PIWIL4: variants seen among roughly 807,000 people sequenced by gnomAD.
PIWIL4 encodes piwi like RNA-mediated gene silencing 4.
Under a neutral mutation model 100.9 loss-of-function variants are expected in PIWIL4, and 50 were observed. That is an observed-to-expected ratio of 0.50 (90% CI 0.39 to 0.63). The LOEUF (loss-of-function observed/expected upper bound fraction) is 0.63. PIWIL4 is among the 20% of genes least tolerant of loss of function. The pLI is 0.00. For synonymous variants in PIWIL4, 342 were observed against 367.5 expected (o/e 0.93, Z 0.79); for missense variants, 887 against 1,043.3 (o/e 0.85, Z 2.06).
chr11:94,568,855 G>GT, intron 2 of PIWIL4, 47 bp downstream of exon 2: 3 of 1,509,088 alleles, frequency 2.0e-6, no homozygotes, highest in Non-Finnish European at 2.8e-6. Flanking sequence ...AACCTGAATG[G>GT]AGCAAGAGGA....
At chr11:94,584,596 T>C (rs1252035757) in intron 5 of PIWIL4, among the ~76,000 whole-genome samples, 1 of 152,164 alleles carries the variant, frequency 6.6e-6, no homozygotes, top group Non-Finnish European at 1.5e-5. Flanking sequence ...ATCCTTATTT[T>C]TAAGAGAAAG....
chr11:94,602,402 A>G (rs1303354488), intron 12 of PIWIL4, among the ~76,000 whole-genome samples: 2 of 152,228 alleles, frequency 1.3e-5, no homozygotes, highest in Non-Finnish European at 2.9e-5. Flanking sequence ...AAAATTTAAT[A>G]TGAAAATAGA....
At chr11:94,592,322 G>A (rs770294452) in intron 8 of PIWIL4, among the ~76,000 whole-genome samples, 141 of 152,270 alleles carry the variant, frequency 9.3e-4, no homozygotes, top group Middle Eastern at 3.4e-3. Context: ...GTGCTTTATC[G>A]TGCTTTGTTA....
At chr11:94,606,553 G>C (rs1346009247) in intron 13 of PIWIL4, among the ~76,000 whole-genome samples, 2 of 152,240 alleles carry the variant, frequency 1.3e-5, no homozygotes, top group African/African-American at 4.8e-5. Context: ...GAGTAGGCCA[G>C]GGGCGGTGGC....
chr11:94,616,382 G>A (rs1948846579), intron 15 of PIWIL4, 111 bp from the exon 16 acceptor site: 3 of 922,066 alleles, frequency 3.3e-6, no homozygotes, highest in Non-Finnish European at 4.9e-6. Flanking sequence ...ATACAAAATT[G>A]CGAACATTGA....
At chr11:94,574,283 T>C (rs1353625788) in intron 2 of PIWIL4, among the ~76,000 whole-genome samples, 2 of 152,228 alleles carry the variant, frequency 1.3e-5, no homozygotes, top group Non-Finnish European at 2.9e-5. Context: ...GGGCAATTTC[T>C]CTTCTTTTCT....
Position 94,595,418 on chromosome 11 carries a change from C to T in PIWIL4, c.1260C>T (p.Asn420=). ...RQQRLARLVD[N]IQRNTNARFE... ...AGCGCCTGGCCAGGCTTGTGGACAA[C>T]ATCCAGAGGTACTGGATCACCGCAT... Residue 420 remains asparagine, a synonymous_variant, in exon 10 of 20, where the codon AAC becomes AAT. Coordinates refer to ENST00000299001, the MANE Select transcript of PIWIL4 (RefSeq NM_152431.3). The T allele has an allele frequency of 6.2e-7, 1 of 1,612,578 alleles. No individual in the cohort carries two copies. The highest frequency in any genetic ancestry group is 8.5e-7 in the Non-Finnish European group (1 of 1,179,064).
intron 3 of PIWIL4, among the ~76,000 whole-genome samples, chr11:94,575,932 C>G (rs1251540473): frequency 6.6e-6 from 1 of 152,094 alleles, no homozygotes; most frequent in Non-Finnish European, 1.5e-5. Context: ...TTTGCCATTT[C>G]CTCAGGATCT....
chr11:94,600,891 G>T (rs1948628157), intron 11 of PIWIL4, among the ~76,000 whole-genome samples: 1 of 151,894 alleles, frequency 6.6e-6, no homozygotes, highest in Non-Finnish European at 1.5e-5. Context: ...GAGAAATATG[G>T]CTCTGTTCCG....
Position 94,585,529 on chromosome 11 carries a change from G to T in PIWIL4, c.716+4G>T, listed in dbSNP as rs372828080. 4 of 1,591,582 alleles carry T rather than the reference G, an allele frequency of 2.5e-6. No homozygotes were observed. In the African/African-American group the frequency reaches 4.1e-5, roughly 16 times the overall value. On this transcript the variant is annotated splice_donor_region_variant and intron_variant, in intron 6 of 19. Transcript: ENST00000299001. ...CAATGGAAATTCCCCAGCACAAGTA[G>T]GTTTATTTATATTTTCTGTTACTCC...
At chr11:94,594,596 G>C (rs1021917515) in intron 9 of PIWIL4, among the ~76,000 whole-genome samples, 5 of 151,654 alleles carry the variant, frequency 3.3e-5, no homozygotes, top group African/African-American at 1.2e-4. Flanking sequence ...GCAATGGTGC[G>C]ATCTTGGCTC....
At chr11:94,605,867 A>C (rs1948709871) in intron 13 of PIWIL4, among the ~76,000 whole-genome samples, 2 of 152,124 alleles carry the variant, frequency 1.3e-5, no homozygotes. Flanking sequence ...TTCCCCTTCA[A>C]GCTGGCTTCT....
At chr11:94,592,622 A>G (rs1948502131) in intron 8 of PIWIL4, among the ~76,000 whole-genome samples, 1 of 152,194 alleles carries the variant, frequency 6.6e-6, no homozygotes, top group African/African-American at 2.4e-5. Flanking sequence ...CTCACATTTG[A>G]CTTCTTTTAT....
chr11:94,583,042 ATATG>A (rs71036333), intron 4 of PIWIL4, among the ~76,000 whole-genome samples: 8,634 of 140,272 alleles, frequency 0.062, 281 homozygotes, highest in Middle Eastern at 0.083. Context: ...GTATATATAT[ATATG>A]TGTGTGTGTG....
intron 11 of PIWIL4, among the ~76,000 whole-genome samples, chr11:94,600,170 A>G (rs1948614116): frequency 6.6e-6 from 1 of 152,168 alleles, no homozygotes; most frequent in Admixed American, 6.5e-5. Flanking sequence ...TCCTGGTCAC[A>G]TGAGAGACCT....
intron 11 of PIWIL4, among the ~76,000 whole-genome samples, chr11:94,599,537 C>G (rs112744061): frequency 6.6e-6 from 1 of 152,220 alleles, no homozygotes; most frequent in Non-Finnish European, 1.5e-5. Context: ...GTACAGCTCT[C>G]CTCATGCCCT....
chr11:94,593,034 T>G (rs886608537), intron 8 of PIWIL4, among the ~76,000 whole-genome samples: 2 of 152,206 alleles, frequency 1.3e-5, no homozygotes, highest in Non-Finnish European at 2.9e-5. Flanking sequence ...CATCCTACTA[T>G]CCTAGAAGGT....
Position 94,574,988 on chromosome 11 carries a change from T to A in PIWIL4, c.167-11T>A. Reference sequence around the variant, plus strand: ...AATATTAGCTGTTACCACATTCTCTTCATGTTTTAGATAAATATGGGATAT... The same window carrying A: ...AATATTAGCTGTTACCACATTCTCTACATGTTTTAGATAAATATGGGATAT... On this transcript the variant is annotated splice_polypyrimidine_tract_variant and intron_variant, in intron 2 of 19. Coordinates refer to ENST00000299001, the MANE Select transcript of PIWIL4 (RefSeq NM_152431.3). The A allele has an allele frequency of 1.2e-6, 2 of 1,610,570 alleles. No individual in the cohort carries two copies. Among genetic ancestry groups the A allele is most frequent in the South Asian group, 1.1e-5 (1 of 90,776 alleles).
chr11:94,575,317 A>T (rs906282349), intron 3 of PIWIL4, among the ~76,000 whole-genome samples, 187 bp downstream of exon 3: 9 of 152,244 alleles, frequency 5.9e-5, no homozygotes, highest in Admixed American at 5.2e-4. Context: ...TATTAGTAGA[A>T]ATAATATCTT....
Sources: allele counts gnomAD v4.1 joint callset (sites outside exome capture counted in the v4.1 genomes callset), GRCh38; gene constraint gnomAD v4.1.1; transcripts MANE v1.5; gene names NCBI Gene and HGNC (gene_info 2026-07-23, HGNC 2026-07-21).